Variants in ERC1 observed in about 807,000 individuals in gnomAD.
ERC1 encodes the protein RAB6 interacting protein 2.
A neutral mutation model predicts 132.0 loss-of-function variants in ERC1; 56 were observed. The ratio of observed to expected loss-of-function variants is 0.42; its 90% CI spans 0.34 to 0.53. ERC1 has a LOEUF of 0.53. ERC1 is among the 20% of genes least tolerant of loss of function. The pLI is 0.03. For synonymous variants in ERC1, 478 were observed against 476.1 expected (o/e 1.00, Z -0.05); for missense variants, 1,202 against 1,349.9 (o/e 0.89, Z 1.72).
chr12:1,287,323 G>A (rs1422439388), intron 14 of ERC1, among the ~76,000 whole-genome samples: 1 of 152,222 alleles, frequency 6.6e-6, no homozygotes, highest in Non-Finnish European at 1.5e-5. Flanking sequence ...ATCAGATATT[G>A]TATAACGAAC....
intron 17 of ERC1, among the ~76,000 whole-genome samples, chr12:1,424,272 A>G (rs1025024882): frequency 1.3e-5 from 2 of 152,226 alleles, no homozygotes; most frequent in Non-Finnish European, 2.9e-5. Flanking sequence ...ATGATTGAAC[A>G]TACAATGTCA....
intron 12 of ERC1, among the ~76,000 whole-genome samples, chr12:1,210,158 G>T (rs1957733969): frequency 6.6e-6 from 1 of 152,212 alleles, no homozygotes; most frequent in African/African-American, 2.4e-5. Context: ...TATTGAGTTG[G>T]CTTCTTGGGT....
At chr12:1,079,177 AT>A (rs1227440967) in intron 2 of ERC1, among the ~76,000 whole-genome samples, 1 of 147,682 alleles carries the variant, frequency 6.8e-6, no homozygotes, top group Non-Finnish European at 1.5e-5. Context: ...GATAGAAATG[AT>A]TTGTAATATG....
In ERC1 at chr12:1,491,993, A is replaced by G. The variant is rs2094322527; in HGVS notation, c.*1763A>G. 4.3e-6 allele frequency: 1 copy of G among 232,766 alleles called. No individual in the cohort carries two copies. Among genetic ancestry groups the G allele is most frequent in the African/African-American group, 2.2e-5 (1 of 45,290 alleles). The allele number at this position is 232,766 out of a possible 1,614,324, so 14.4% of individuals were successfully genotyped here. ...TTCCCCACTTACTCAGAGAATTTAA[A>G]GTCTGTAGAGTCAGCACAGCCCCAT... is the stretch of plus-strand genomic sequence containing the variant. On this transcript the variant is annotated 3_prime_UTR_variant, in exon 19 of 19. Transcript: ENST00000360905.
At chr12:1,293,400 C>CCGAGA (rs2079622444) in intron 15 of ERC1, among the ~76,000 whole-genome samples, 1 of 126,220 alleles carries the variant, frequency 7.9e-6, no homozygotes, top group African/African-American at 3.0e-5. Context: ...TTGCAGTGAG[C>CCGAGA]TGAGATCGTG....
chr12:1,403,854 C>T (rs1461981887), intron 16 of ERC1, among the ~76,000 whole-genome samples: 3 of 152,194 alleles, frequency 2.0e-5, no homozygotes, highest in Non-Finnish European at 2.9e-5. Flanking sequence ...TACTTTCACC[C>T]ACATTCCTGT....
At chr12:1,295,739 C>A (rs1352128305) in intron 15 of ERC1, among the ~76,000 whole-genome samples, 2 of 151,832 alleles carry the variant, frequency 1.3e-5, no homozygotes, top group South Asian at 4.2e-4. Flanking sequence ...GATAGAGAAG[C>A]CTGGGAAATA....
intron 12 of ERC1, chr12:1,204,505 A>G (rs1396300268): frequency 6.3e-7 from 1 of 1,590,594 alleles, no homozygotes. Flanking sequence ...CTTCAGTCTC[A>G]CCTCAAGGTC....
At chr12:1,373,030 T>A (rs11061719) in intron 16 of ERC1, among the ~76,000 whole-genome samples, 63,530 of 152,074 alleles carry the variant, frequency 0.42, 14,849 homozygotes, top group African/African-American at 0.63. Flanking sequence ...ATGTCTTTTT[T>A]CTGCAGGATG....
intron 18 of ERC1, among the ~76,000 whole-genome samples, chr12:1,450,027 C>A (rs1371267065): frequency 6.6e-6 from 1 of 152,066 alleles, no homozygotes; most frequent in African/African-American, 2.4e-5. Flanking sequence ...TTGGAATCTG[C>A]CAATAGTATA....
chr12:1,093,463 G>T (rs35258043), intron 3 of ERC1, among the ~76,000 whole-genome samples: 28,812 of 152,054 alleles, frequency 0.19, 3,474 homozygotes, highest in Non-Finnish European at 0.25. Context: ...TTTTCAGTCC[G>T]CTAGCAGAGG....
At chr12:1,162,400 C>T (rs1373768651) in intron 8 of ERC1, among the ~76,000 whole-genome samples, 2 of 151,798 alleles carry the variant, frequency 1.3e-5, no homozygotes, top group Non-Finnish European at 2.9e-5. Context: ...GTTTAATTTG[C>T]TTACACAGAT....
At position 1,127,014 on chromosome 12, in the gene ERC1, C is replaced by A. The variant is rs867819284; in HGVS notation, c.1569+10981C>A. ...AAAAAAAAAAAAAAAAAAAAAAAAACCTCAAAAATCAATAGAGACTATAGG... is the reference window on the plus strand; with the variant it reads ...AAAAAAAAAAAAAAAAAAAAAAAAAACTCAAAAATCAATAGAGACTATAGG... On this transcript the variant is annotated intron_variant, in intron 7 of 18. Coordinates refer to ENST00000360905, the MANE Select transcript of ERC1 (RefSeq NM_178040.4). Among the ~76,000 whole-genome samples, 315 of 104,078 alleles carry A rather than the reference C, an allele frequency of 3.0e-3. 2 individuals are homozygous for A. Among genetic ancestry groups the A allele is most frequent in the African/African-American group, 0.013 (294 of 22,910 alleles). 68.3% of individuals were successfully genotyped at this position (104,078 alleles called of 152,430 possible). A position where few individuals can be genotyped will look rare whatever the true frequency, so the allele number is the denominator to read the frequency against.
At chr12:997,586 G>A (rs1249110498) in intron 1 of ERC1, among the ~76,000 whole-genome samples, 1 of 152,190 alleles carries the variant, frequency 6.6e-6, no homozygotes, top group African/African-American at 2.4e-5. Context: ...AATGGCAGCT[G>A]TGAACTAGTT....
intron 12 of ERC1, among the ~76,000 whole-genome samples, chr12:1,220,906 G>C (rs911777438): frequency 1.3e-5 from 2 of 152,220 alleles, no homozygotes; most frequent in South Asian, 2.1e-4. Context: ...TGTTTCCTTC[G>C]TGAGGAACAC....
intron 14 of ERC1, among the ~76,000 whole-genome samples, chr12:1,275,590 G>A (rs1352031988): frequency 6.6e-6 from 1 of 152,182 alleles, no homozygotes; most frequent in Non-Finnish European, 1.5e-5. Flanking sequence ...TCTATTTGGA[G>A]ATAAACTCAG....
chr12:1,311,220 A>G (rs1446722235), intron 15 of ERC1, among the ~76,000 whole-genome samples: 1 of 152,194 alleles, frequency 6.6e-6, no homozygotes, highest in Non-Finnish European at 1.5e-5. Context: ...ACTTAATTGC[A>G]CTGGCTTAGG....
intron 12 of ERC1, among the ~76,000 whole-genome samples, chr12:1,194,147 C>T (rs1027119051): frequency 6.6e-6 from 1 of 152,170 alleles, no homozygotes. Flanking sequence ...TGGCTGGGTG[C>T]AGTGGCTCAC....
intron 15 of ERC1, among the ~76,000 whole-genome samples, chr12:1,356,787 A>G (rs1272675771): frequency 6.6e-6 from 1 of 152,236 alleles, no homozygotes; most frequent in Non-Finnish European, 1.5e-5. Flanking sequence ...TACCTGATGC[A>G]GGCATAGTCA....
Sources: allele counts gnomAD v4.1 joint callset (sites outside exome capture counted in the v4.1 genomes callset), GRCh38; gene constraint gnomAD v4.1.1; transcripts MANE v1.5; gene names NCBI Gene and HGNC (gene_info 2026-07-23, HGNC 2026-07-21).